The following FAM83B variants were observed in gnomAD, a reference collection of about 807,000 sequenced individuals.
FAM83B encodes the protein scaffolding CK1 anchoring protein B.
Under a neutral mutation model 38.8 loss-of-function variants are expected in FAM83B, and 26 were observed. The observed-to-expected ratio is 0.67, with a 90% CI of 0.49 to 0.93. The LOEUF is 0.93. Ranked by LOEUF, FAM83B falls within the 40% of genes least tolerant of loss-of-function variation. The pLI, the probability that FAM83B is intolerant of heterozygous loss-of-function variation, is 0.00. For missense variants in FAM83B, 1,237 were observed against 1,197.3 expected (o/e 1.03, Z -0.49); for synonymous variants, 419 against 423.1 (o/e 0.99, Z 0.12).
At chr6:54,874,095 A>G (rs1430699152) in intron 2 of FAM83B, among the ~76,000 whole-genome samples, 2 of 152,064 alleles carry the variant, frequency 1.3e-5, no homozygotes, top group African/African-American at 2.4e-5. Flanking sequence ...AGTAATTTAT[A>G]TGCTCTCATT....
In FAM83B at chr6:54,914,628, C is replaced by G. The variant is rs377416227; in HGVS notation, c.445-11743C>G. Among the ~76,000 whole-genome samples the G allele has an allele frequency of 6.6e-4, 100 of 152,260 alleles. 1 individual carries two copies. The highest frequency in any genetic ancestry group is 2.0e-3 in the African/African-American group (84 of 41,542). ...GGGCATTGCTGGAAAATGTCTAAAA[C>G]ATTTGTAAAAAATGTCAACTTCAAG... is the stretch of plus-strand genomic sequence containing the variant. On this transcript the variant is annotated intron_variant, in intron 2 of 4. Coordinates refer to ENST00000306858, the MANE Select transcript of FAM83B (RefSeq NM_001010872.3).
intron 2 of FAM83B, among the ~76,000 whole-genome samples, chr6:54,910,453 G>A (rs951027861): frequency 6.6e-6 from 1 of 152,054 alleles, no homozygotes; most frequent in Non-Finnish European, 1.5e-5. Flanking sequence ...TTCGTTTTCC[G>A]AGGCTAATGC....
chr6:54,859,913 T>C (rs1288595904), intron 1 of FAM83B, among the ~76,000 whole-genome samples: 2 of 152,210 alleles, frequency 1.3e-5, no homozygotes, highest in Non-Finnish European at 2.9e-5. Flanking sequence ...TTGAGGTACT[T>C]CTTTTAAAAA....
At chr6:54,906,856 A>G (rs918852150) in intron 2 of FAM83B, among the ~76,000 whole-genome samples, 1 of 152,218 alleles carries the variant, frequency 6.6e-6, no homozygotes, top group African/African-American at 2.4e-5. Context: ...TGACTAAATA[A>G]CAACATACTG....
At chr6:54,904,400 C>T (rs1772730832) in intron 2 of FAM83B, among the ~76,000 whole-genome samples, 1 of 152,092 alleles carries the variant, frequency 6.6e-6, no homozygotes, top group Non-Finnish European at 1.5e-5. Flanking sequence ...GAGGTGCTGT[C>T]GTCCAAAGAT....
rs766774691 is a variant in FAM83B, at chr6:54,940,959, G to A, written c.1988G>A (p.Arg663Gln). 64 of 1,613,572 alleles carry A rather than the reference G, an allele frequency of 4.0e-5. No homozygotes were observed. Among genetic ancestry groups the A allele is most frequent in the African/African-American group, 5.3e-5 (4 of 74,840 alleles). ...NQQTENLLKR[R>Q]SFPLFDNSKA... ...CAGACTGAGAATCTACTTAAAAGGC[G>A]AAGTTTCCCGTTATTTGACAACTCA... The change falls in exon 5 of 5, where the codon CGA (arginine) becomes CAA (glutamine). Residue 663 changes from arginine (R) to glutamine (Q), a missense_variant. Arg to Gln is a conservative substitution (Grantham distance 43). Transcript: ENST00000306858.
chr6:54,859,481 G>A (rs968100373), intron 1 of FAM83B, among the ~76,000 whole-genome samples: 28 of 152,256 alleles, frequency 1.8e-4, no homozygotes, highest in Middle Eastern at 3.4e-3. Flanking sequence ...TAACAATTAT[G>A]TACTTACTGA....
At chr6:54,901,165 C>G (rs1196226208) in intron 2 of FAM83B, among the ~76,000 whole-genome samples, 2 of 152,130 alleles carry the variant, frequency 1.3e-5, no homozygotes, top group Non-Finnish European at 2.9e-5. Context: ...ACAAATAACT[C>G]AGAACACAAT....
rs760741144 is a variant in FAM83B, at chr6:54,940,268, T to C, written c.1297T>C (p.Tyr433His). ...LSVASSSREGYVSHHNTPAQS... is the reference protein window; with the variant it reads ...LSVASSSREGHVSHHNTPAQS... ...TGTGGCGTCCTCATCACGGGAAGGC[T>C]ATGTAAGCCACCACAACACACCTGC... Residue 433 changes from tyrosine (Y) to histidine (H), a missense_variant, in exon 5 of 5, where the codon TAT becomes CAT. Transcript: ENST00000306858. 2 of 1,614,002 alleles carry C rather than the reference T, an allele frequency of 1.2e-6. No homozygotes were observed. Among genetic ancestry groups the C allele is most frequent in the South Asian group, 2.2e-5 (2 of 91,090 alleles).
intron 2 of FAM83B, among the ~76,000 whole-genome samples, chr6:54,884,161 G>A (rs1321910261): frequency 6.6e-6 from 1 of 151,904 alleles, no homozygotes; most frequent in Non-Finnish European, 1.5e-5. Flanking sequence ...AATTAGTTGG[G>A]CATGGTGGTG....
At chr6:54,866,708 A>G (rs1771714284) in intron 1 of FAM83B, among the ~76,000 whole-genome samples, 2 of 152,138 alleles carry the variant, frequency 1.3e-5, no homozygotes, top group South Asian at 2.1e-4. Flanking sequence ...TTCCATTGTC[A>G]GGCTATTATG....
At chr6:54,908,421 ACT>A (rs905012413) in intron 2 of FAM83B, among the ~76,000 whole-genome samples, 1 of 151,980 alleles carries the variant, frequency 6.6e-6, no homozygotes, top group African/African-American at 2.4e-5. Context: ...TCCTTCAAAC[ACT>A]CTGAAATCTG....
chr6:54,935,364 CA>C (rs984809594), intron 4 of FAM83B, among the ~76,000 whole-genome samples: 6 of 151,990 alleles, frequency 3.9e-5, no homozygotes, highest in African/African-American at 1.4e-4. Flanking sequence ...TAAATGAAAT[CA>C]GGGGAATATG....
At chr6:54,859,146 C>T (rs181215627) in intron 1 of FAM83B, among the ~76,000 whole-genome samples, 5 of 152,062 alleles carry the variant, frequency 3.3e-5, no homozygotes, top group Admixed American at 6.5e-5. Flanking sequence ...CTGCAACCTC[C>T]GCCTCCCGGG....
At chr6:54,877,631 C>A (rs1372493993) in intron 2 of FAM83B, among the ~76,000 whole-genome samples, 2 of 152,184 alleles carry the variant, frequency 1.3e-5, no homozygotes, top group Admixed American at 1.3e-4. Flanking sequence ...GTAACAATAT[C>A]AGGTAACATG....
intron 1 of FAM83B, among the ~76,000 whole-genome samples, chr6:54,862,869 AC>A (rs1001514399): frequency 1.9e-4 from 26 of 140,248 alleles, no homozygotes; most frequent in South Asian, 1.3e-3. Context: ...GGGTGCAAAA[AC>A]CCCCCCCCAA....
At chr6:54,880,729 C>T (rs1772115756) in intron 2 of FAM83B, among the ~76,000 whole-genome samples, 3 of 152,092 alleles carry the variant, frequency 2.0e-5, no homozygotes, top group Non-Finnish European at 4.4e-5. Flanking sequence ...AGGTGTGAGC[C>T]ACTGCGCCCA....
chr6:54,858,483 G>A (rs981371698), intron 1 of FAM83B, among the ~76,000 whole-genome samples: 1 of 152,076 alleles, frequency 6.6e-6, no homozygotes, highest in Non-Finnish European at 1.5e-5. Flanking sequence ...GCTTCCCAGG[G>A]ACTGCTCTGA....
intron 2 of FAM83B, among the ~76,000 whole-genome samples, chr6:54,924,149 C>A (rs912211296): frequency 1.3e-5 from 2 of 151,002 alleles, no homozygotes; most frequent in African/African-American, 2.4e-5. Flanking sequence ...CATGTTGTAA[C>A]AAATAGGATT....
Sources: allele counts gnomAD v4.1 joint callset (sites outside exome capture counted in the v4.1 genomes callset), GRCh38; gene constraint gnomAD v4.1.1; transcripts MANE v1.5; gene names NCBI Gene and HGNC (gene_info 2026-07-23, HGNC 2026-07-21).